The following CRLS1 variants were observed in gnomAD, a reference collection of about 807,000 sequenced individuals.
CRLS1 encodes the protein cardiolipin synthase 1.
A neutral mutation model predicts 37.0 loss-of-function variants in CRLS1; 24 were observed. The ratio of observed to expected loss-of-function variants is 0.65; its 90% CI spans 0.47 to 0.91. The LOEUF is 0.91. Among genes scored for constraint, CRLS1 ranks in the 40% least tolerant of loss-of-function variants. The pLI, the probability that CRLS1 is intolerant of heterozygous loss-of-function variation, is 0.00. For missense variants in CRLS1, 373 were observed against 395.8 expected, an observed-to-expected ratio of 0.94 and a Z score of 0.49; for synonymous variants, 135 against 159.7, an observed-to-expected ratio of 0.85 and a Z score of 1.17.
chr20:6,034,008 A>G (rs1398291510), intron 5 of CRLS1, among the ~76,000 whole-genome samples: 2 of 152,250 alleles, frequency 1.3e-5, no homozygotes, highest in South Asian at 2.1e-4. Context: ...AGAAAGGAGC[A>G]TCGGATAAGG....
At position 6,017,965 on chromosome 20, in the gene CRLS1, C is replaced by T. The variant is rs114073634; in HGVS notation, c.574+2475C>T. Among the ~76,000 whole-genome samples, 1,293 of 152,162 alleles carry T rather than the reference C, an allele frequency of 8.5e-3. 17 individuals carry two copies. Among genetic ancestry groups the T allele is most frequent in the African/African-American group, 0.03 (1,225 of 41,492 alleles). On this transcript the variant is annotated intron_variant, in intron 3 of 6. Transcript: ENST00000378863. Reference sequence around the variant, plus strand: ...GGGCACAATGGCTTGCCCCTGTAATCGCAGCACTTTGGGGGGCTGAGGTGG... The same window carrying T: ...GGGCACAATGGCTTGCCCCTGTAATTGCAGCACTTTGGGGGGCTGAGGTGG...
At chr20:6,010,350 G>A (rs1335723789) in intron 2 of CRLS1, among the ~76,000 whole-genome samples, 1 of 152,196 alleles carries the variant, frequency 6.6e-6, no homozygotes, top group Non-Finnish European at 1.5e-5. Context: ...TTATGACCCA[G>A]GGAACTGGGA....
At chr20:6,033,198 T>G (rs1980307291) in intron 5 of CRLS1, among the ~76,000 whole-genome samples, 1 of 151,998 alleles carries the variant, frequency 6.6e-6, no homozygotes, top group African/African-American at 2.4e-5. Flanking sequence ...GACGCGATCT[T>G]GGCTCACTGC....
rs1242646063 is a variant in CRLS1 at position 6,039,732 on chromosome 20, G to A, written c.*2574G>A. 1.8e-5 allele frequency: 2 copies of A among 110,134 alleles called. No individual in the cohort carries two copies. Among genetic ancestry groups the A allele is most frequent in the East Asian group, 4.7e-4 (2 of 4,226 alleles). The allele number at this position is 110,134 out of a possible 1,614,324, so 6.8% of individuals were successfully genotyped here. A position where few individuals can be genotyped will look rare whatever the true frequency, so the allele number is the denominator to read the frequency against. ...GGATTACAGTGGGCCCCAATAACTA[G>A]GTTTTTTTGTTAAAAAAAAAAAAAA... On this transcript the variant is annotated 3_prime_UTR_variant, in exon 7 of 7. Transcript: ENST00000378863.
intron 6 of CRLS1, among the ~76,000 whole-genome samples, chr20:6,035,790 A>G (rs1980501450): frequency 6.7e-6 from 1 of 149,378 alleles, no homozygotes; most frequent in African/African-American, 2.5e-5. Flanking sequence ...ACACCTGGCT[A>G]TTTTTTTTTA....
At chr20:6,006,029 G>A, upstream of CRLS1, 1 of 351,312 alleles carries the variant, frequency 2.8e-6, no homozygotes, top group Non-Finnish European at 5.1e-6. Context: ...CGGGAAGCCC[G>A]ACGACGACGG....
intron 3 of CRLS1, among the ~76,000 whole-genome samples, chr20:6,030,442 G>A (rs1042792038): frequency 3.9e-5 from 6 of 152,094 alleles, no homozygotes; most frequent in African/African-American, 7.2e-5. Flanking sequence ...AATATTTCAC[G>A]CTGGGCACAA....
chr20:6,009,545 G>A (rs1250605788), intron 1 of CRLS1, among the ~76,000 whole-genome samples: 1 of 152,126 alleles, frequency 6.6e-6, no homozygotes, highest in African/African-American at 2.4e-5. Context: ...GGGATTATAG[G>A]CGTGAGCCAT....
chr20:6,034,442 A>G, intron 5 of CRLS1, 22 bp from the exon 6 acceptor site: 1 of 1,576,770 alleles, frequency 6.3e-7, no homozygotes, highest in Non-Finnish European at 8.7e-7. Flanking sequence ...ATTCACTTAG[A>G]ACTTTTTCTT....
At chr20:6,028,288 A>T (rs1257825219) in intron 3 of CRLS1, 1 of 152,158 alleles carries the variant, frequency 6.6e-6, no homozygotes, top group Non-Finnish European at 1.5e-5. Context: ...ATGAAAACAA[A>T]TTCTTTGGCT....
Position 6,019,812 on chromosome 20 carries a change from C to T in CRLS1, c.574+4322C>T, listed in dbSNP as rs576722355. 4.8e-3 allele frequency among the ~76,000 whole-genome samples: 729 copies of T among 151,070 alleles called. 3 individuals carry two copies. The highest frequency in any genetic ancestry group is 8.4e-3 in the Non-Finnish European group (571 of 67,880). On this transcript the variant is annotated intron_variant, in intron 3 of 6. Transcript: ENST00000378863. ...GAGTAGCTAGGATTACAGGTGTGTGCCACCATACTTGGCTAGTTTTTTTGT... is the reference window on the plus strand; with the variant it reads ...GAGTAGCTAGGATTACAGGTGTGTGTCACCATACTTGGCTAGTTTTTTTGT...
chr20:6,031,001 G>GA (rs565382400), intron 3 of CRLS1, among the ~76,000 whole-genome samples: 1,714 of 151,936 alleles, frequency 0.011, 36 homozygotes, highest in African/African-American at 0.039. Context: ...AAACATGCAA[G>GA]AAAAAAACAC....
rs1309686033 is a variant in CRLS1 at position 6,037,106 on chromosome 20, C to T, written c.854C>T (p.Ala285Val). 10 of 1,613,514 alleles carry T rather than the reference C, an allele frequency of 6.2e-6. No individual in the cohort carries two copies. Among genetic ancestry groups the T allele is most frequent in the Non-Finnish European group, 8.5e-6 (10 of 1,179,760 alleles). ...ACAGCTTTCACCACAGCTGCATCAG[C>T]TTATAGTTACTATCATTATGGCCGG... ...CFTAFTTAAS[A>V]YSYYHYGRKT... Residue 285 changes from alanine to valine, a missense_variant, in exon 7 of 7, where the codon GCT (alanine) becomes GTT (valine). Physicochemically the swap from Ala to Val is moderately conservative, Grantham distance 64 (BLOSUM62 0). Coordinates refer to ENST00000378863, the MANE Select transcript of CRLS1 (RefSeq NM_019095.6).
At chr20:6,030,475 C>T (rs947355382) in intron 3 of CRLS1, among the ~76,000 whole-genome samples, 2 of 152,124 alleles carry the variant, frequency 1.3e-5, no homozygotes, top group African/African-American at 4.8e-5. Flanking sequence ...GTAATCCCAG[C>T]ATTTTGGGAG....
chr20:6,013,959 G>A lies in CRLS1; in HGVS notation c.445-1402G>A, dbSNP rs934202142. Among the ~76,000 whole-genome samples the A allele has an allele frequency of 2.6e-5, 4 of 152,040 alleles. No homozygotes were observed. The East Asian group carries it at 5.8e-4, about 22-fold the overall frequency. ...GTGAAGATGAGAGGGTGATGATGGC[G>A]AAAAAGTGAAAGGTTAAGTTCCCTG... On this transcript the variant is annotated intron_variant, in intron 2 of 6. Coordinates refer to ENST00000378863, the MANE Select transcript of CRLS1 (RefSeq NM_019095.6).
chr20:6,014,612 C>A (rs1429424595), intron 2 of CRLS1, among the ~76,000 whole-genome samples: 1 of 152,046 alleles, frequency 6.6e-6, no homozygotes, highest in Non-Finnish European at 1.5e-5. Context: ...AGTGGCCAGA[C>A]CGCTCCCTTC....
Position 6,032,095 on chromosome 20 carries a change from TG to T in CRLS1, c.729+16del, listed in dbSNP as rs1568631512. 1.3e-5 allele frequency: 21 copies of T among 1,590,792 alleles called. No individual in the cohort carries two copies. The highest frequency in any genetic ancestry group is 1.8e-5 in the Non-Finnish European group (21 of 1,159,616). ...TCATCAGCAAGGTAAGAGAATGCAA[TG>T]TTCTTTGAAGTTATTCCTTTGTAAA... On this transcript the variant is annotated intron_variant, in intron 5 of 6. Transcript: ENST00000378863.
At chr20:6,014,255 C>G (rs1175045919) in intron 2 of CRLS1, among the ~76,000 whole-genome samples, 1 of 152,138 alleles carries the variant, frequency 6.6e-6, no homozygotes, top group African/African-American at 2.4e-5. Context: ...ATAACTTATC[C>G]AAGATCACAC....
rs371864195 is a variant in CRLS1, at chr20:6,027,436, CT to C, written c.575-3848del. Among the ~76,000 whole-genome samples, 84 of 151,426 alleles carry C rather than the reference CT, an allele frequency of 5.5e-4. 1 individual carries two copies. The South Asian group carries it at 0.017, about 30-fold the overall frequency. ...TGTTTGTTTGTTTTTTAGACAGGGT[CT>C]CACACTGTCACCCAGGCTGGAATGC... is the stretch of plus-strand genomic sequence containing the variant. On this transcript the variant is annotated intron_variant, in intron 3 of 6. Coordinates refer to ENST00000378863, the MANE Select transcript of CRLS1 (RefSeq NM_019095.6).
Sources: gnomAD v4.1 joint callset for allele counts (sites outside exome capture counted in the v4.1 genomes callset) on GRCh38, gnomAD v4.1.1 for gene constraint, MANE v1.5 for transcripts, NCBI Gene and HGNC (gene_info 2026-07-23, HGNC 2026-07-21) for gene names.